Variants in TRIP11 observed in about 807,000 individuals in gnomAD.
The protein encoded by TRIP11 is thyroid hormone receptor interactor 11.
Under a neutral mutation model 223.1 loss-of-function variants are expected in TRIP11, and 148 were observed. The ratio of observed to expected loss-of-function variants is 0.66; its 90% CI spans 0.58 to 0.76. TRIP11 has a LOEUF of 0.76. Among genes scored for constraint, TRIP11 ranks in the 30% least tolerant of loss-of-function variants. The pLI, the probability that TRIP11 is intolerant of heterozygous loss-of-function variation, is 0.00. For synonymous variants in TRIP11, 762 were observed against 772.6 expected (o/e 0.99, Z 0.23); for missense variants, 2,043 against 2,222.0 (o/e 0.92, Z 1.62).
intron 16 of TRIP11, 63 bp downstream of exon 16, chr14:91,988,221 A>C: frequency 7.6e-7 from 1 of 1,319,798 alleles, no homozygotes; most frequent in South Asian, 1.2e-5. Flanking sequence ...TTTATGACAG[A>C]AGACTACATT....
In TRIP11 at chr14:92,003,904, C is replaced by G; in HGVS notation, c.4072G>C (p.Glu1358Gln). The change falls in exon 11 of 21, where the codon GAA (glutamate) becomes CAA (glutamine). Residue 1358 changes from glutamate (E) to glutamine (Q), a missense_variant. Transcript: ENST00000267622. The part of the protein sequence containing the change: ...ELEELRKSLQ[E>Q]KDATIRTLQE... ...AGAGTTCTAATTGTTGCATCTTTTT[C>G]CTGTAGTGATTTTCTTAGCTCTTCT... 6.2e-7 allele frequency: 1 copy of G among 1,614,012 alleles called. No individual in the cohort carries two copies. The highest frequency in any genetic ancestry group is 8.5e-7 in the Non-Finnish European group (1 of 1,180,018).
rs755570677 is a variant in TRIP11, at chr14:91,969,775, A to G, written c.5838T>C (p.Leu1946=). 1.9e-6 allele frequency: 3 copies of G among 1,614,176 alleles called. No individual in the cohort carries two copies. The Admixed American group carries it at 5.0e-5, about 27-fold the overall frequency. ...AAACATCTGAGATGGGTTTCAGAAG[A>G]AGATGCCCGGGCCCACCAGGTCCAA... is the stretch of plus-strand genomic sequence containing the variant. The part of the protein sequence containing the change: ...AGLGPGGPGH[L]LLKPISDVLP... The change falls in exon 21 of 21, where the codon CTT becomes CTC. Residue 1946 remains leucine (L), a synonymous_variant. Transcript: ENST00000267622.
intron 6 of TRIP11, among the ~76,000 whole-genome samples, chr14:92,015,429 T>C (rs900543983): frequency 1.3e-5 from 2 of 151,646 alleles, no homozygotes; most frequent in Non-Finnish European, 2.9e-5. Context: ...GAGGCCGAGG[T>C]GGGTGGACCA....
At chr14:91,981,044 A>C (rs574066729) in intron 16 of TRIP11, among the ~76,000 whole-genome samples, 2 of 105,400 alleles carry the variant, frequency 1.9e-5, no homozygotes, top group Non-Finnish European at 3.5e-5. Context: ...TTTGAGACAG[A>C]GTCTTACTCT....
At chr14:91,994,216 CA>C (rs1174335581) in intron 14 of TRIP11, among the ~76,000 whole-genome samples, 1 of 151,910 alleles carries the variant, frequency 6.6e-6, no homozygotes, top group Non-Finnish European at 1.5e-5. Flanking sequence ...TATACATACC[CA>C]CTCTAATAAT....
At chr14:92,026,152 A>T (rs1029864344) in intron 2 of TRIP11, among the ~76,000 whole-genome samples, 9 of 152,166 alleles carry the variant, frequency 5.9e-5, no homozygotes, top group Non-Finnish European at 1.2e-4. Context: ...TACAGGGAGG[A>T]GGCTAAAATC....
In TRIP11 at chr14:91,969,885, C is replaced by G. The variant is rs1188775254; in HGVS notation, c.5728G>C (p.Glu1910Gln). The G allele has an allele frequency of 3.1e-6, 5 of 1,613,696 alleles. No individual in the cohort carries two copies. In the African/African-American group the frequency reaches 6.7e-5, roughly 22 times the overall value. Reference protein sequence around the residue: ...NAPESFKDTAESRSGRRTDVN... With the variant: ...NAPESFKDTAQSRSGRRTDVN... ...TCTGTTCTTCTACCAGACCTGGATT[C>G]TGCTGTATCTAAAGAATAAAATATG... The change falls in exon 21 of 21, where the codon GAA (glutamate) becomes CAA (glutamine). Residue 1910 changes from glutamate to glutamine, a missense_variant. Glu to Gln is a conservative substitution (Grantham distance 29, BLOSUM62 2). Transcript: ENST00000267622.
At chr14:92,003,363 A>T (rs1307557934) in intron 11 of TRIP11, 56 bp downstream of exon 11, 8 of 1,596,892 alleles carry the variant, frequency 5.0e-6, no homozygotes, top group African/African-American at 4.0e-5. Context: ...AAATAACATT[A>T]AAAAAAGTCT....
chr14:92,021,591 C>G lies in TRIP11; in HGVS notation c.553G>C (p.Glu185Gln). 6.2e-7 allele frequency: 1 copy of G among 1,614,154 alleles called. No homozygotes were observed. The highest frequency in any genetic ancestry group is 8.5e-7 in the Non-Finnish European group (1 of 1,180,040). Residue 185 changes from glutamate to glutamine, a missense_variant, in exon 4 of 21, where the codon GAG becomes CAG. Coordinates refer to ENST00000267622, the MANE Select transcript of TRIP11 (RefSeq NM_004239.4). Reference sequence around the variant, plus strand: ...TGCCTCCAATGGCCAACTTCAGACTCAAGTCTTGAAACTTCATTTGAGAGT... The same window carrying G: ...TGCCTCCAATGGCCAACTTCAGACTGAAGTCTTGAAACTTCATTTGAGAGT... Reference protein sequence around the residue: ...NRLSNEVSRLESEVGHWRHIA... With the variant: ...NRLSNEVSRLQSEVGHWRHIA...
Position 92,022,278 on chromosome 14 carries a change from G to C in TRIP11, c.313-447C>G, listed in dbSNP as rs533925934. On this transcript the variant is annotated intron_variant, in intron 3 of 20. Coordinates refer to ENST00000267622, the MANE Select transcript of TRIP11 (RefSeq NM_004239.4). ...GTGTAACTGATTATGGCTGGATGTA[G>C]GCTTAAAATGCACCATGAATCTGAG... 4.6e-5 allele frequency among the ~76,000 whole-genome samples: 7 copies of C among 152,304 alleles called. No individual in the cohort carries two copies. In the South Asian group the frequency reaches 1.4e-3, roughly 32 times the overall value.
chr14:92,023,282 T>G (rs1355201206), intron 3 of TRIP11, among the ~76,000 whole-genome samples: 1 of 152,218 alleles, frequency 6.6e-6, no homozygotes, highest in African/African-American at 2.4e-5. Flanking sequence ...TCCGAATGCT[T>G]GGGACTAGAA....
At chr14:91,995,999 A>G (rs572440828) in intron 13 of TRIP11, among the ~76,000 whole-genome samples, 1 of 152,318 alleles carries the variant, frequency 6.6e-6, no homozygotes, top group East Asian at 1.9e-4. Flanking sequence ...TTATTATGGT[A>G]AAATATACAT....
At chr14:92,008,998 T>C (rs2056939577) in intron 9 of TRIP11, among the ~76,000 whole-genome samples, 2 of 152,212 alleles carry the variant, frequency 1.3e-5, no homozygotes, top group East Asian at 1.9e-4. Flanking sequence ...AGAGATCCGA[T>C]AAAAGCTATA....
At chr14:91,995,619 C>CTT (rs34736578) in intron 13 of TRIP11, 104 bp from the exon 14 acceptor site, 348 of 912,064 alleles carry the variant, frequency 3.8e-4, no homozygotes, top group East Asian at 5.0e-4. Context: ...TATTTTATTT[C>CTT]TTTTTTTTTT....
rs975751309 is a variant in TRIP11, at chr14:91,966,953, A to G, written c.*2720T>C. ...CTGTTAGCAATGTCCTATTGCCAAC[A>G]TTAGAATTATATGCTTCATCACTGG... On this transcript the variant is annotated 3_prime_UTR_variant, in exon 21 of 21. Coordinates refer to ENST00000267622, the MANE Select transcript of TRIP11 (RefSeq NM_004239.4). 3 of 204,304 alleles carry G rather than the reference A, an allele frequency of 1.5e-5. No homozygotes were observed. Among genetic ancestry groups the G allele is most frequent in the Admixed American group, 6.0e-5 (1 of 16,764 alleles). The allele number at this position is 204,304 out of a possible 1,614,324, so 12.7% of individuals were successfully genotyped here.
intron 14 of TRIP11, among the ~76,000 whole-genome samples, chr14:91,994,386 G>A (rs1273742788): frequency 1.3e-5 from 2 of 151,184 alleles, no homozygotes; most frequent in Non-Finnish European, 2.9e-5. Flanking sequence ...TGGGATTACA[G>A]GCATCTTCCA....
chr14:91,974,795 A>C (rs1483130733), intron 18 of TRIP11, 52 bp from the exon 19 acceptor site: 15 of 1,387,174 alleles, frequency 1.1e-5, no homozygotes, highest in Middle Eastern at 1.9e-4. Flanking sequence ...GAAAAAAAAA[A>C]AAACAAGGAC....
intron 11 of TRIP11, among the ~76,000 whole-genome samples, chr14:92,002,191 C>T (rs944114363): frequency 6.6e-6 from 1 of 152,092 alleles, no homozygotes; most frequent in African/African-American, 2.4e-5. Context: ...CTACACTATA[C>T]TATCATATAG....
intron 11 of TRIP11, among the ~76,000 whole-genome samples, chr14:92,000,654 T>C (rs956745842): frequency 6.6e-6 from 1 of 152,188 alleles, no homozygotes; most frequent in African/African-American, 2.4e-5. Flanking sequence ...ATTTACCCTA[T>C]ACAACAAAGT....
Sources: gnomAD v4.1 joint callset for allele counts (sites outside exome capture counted in the v4.1 genomes callset) on GRCh38, gnomAD v4.1.1 for gene constraint, MANE v1.5 for transcripts, NCBI Gene and HGNC (gene_info 2026-07-23, HGNC 2026-07-21) for gene names.